Variants in ERCC6 observed in about 807,000 individuals in gnomAD.
The protein encoded by ERCC6 is ERCC excision repair 6, chromatin remodeling factor.
Under a neutral mutation model 158.7 loss-of-function variants are expected in ERCC6, and 116 were observed. The observed-to-expected ratio is 0.73, with a 90% CI of 0.63 to 0.85. The LOEUF (loss-of-function observed/expected upper bound fraction) is 0.85. Ranked by LOEUF, ERCC6 falls within the 40% of genes least tolerant of loss-of-function variation. ERCC6 has a pLI of 0.00. For synonymous variants in ERCC6, 678 were observed against 659.3 expected, an observed-to-expected ratio of 1.03 and a Z score of -0.43; for missense variants, 1,698 against 1,799.4, an observed-to-expected ratio of 0.94 and a Z score of 1.02.
chr10:49,485,717 G>C (rs1211125212), intron 8 of ERCC6, among the ~76,000 whole-genome samples: 8 of 152,198 alleles, frequency 5.3e-5, no homozygotes, highest in Non-Finnish European at 1.2e-4. Flanking sequence ...CTGAGTAACA[G>C]TTGCTACTTC....
At chr10:49,462,435 T>C (rs1350579713) in intron 18 of ERCC6, among the ~76,000 whole-genome samples, 1 of 152,114 alleles carries the variant, frequency 6.6e-6, no homozygotes, top group Non-Finnish European at 1.5e-5. Flanking sequence ...AATTATCATA[T>C]GATCTATATG....
rs756881696 is a variant in ERCC6 at position 49,532,869 on chromosome 10, C to T, written c.96G>A (p.Lys32=). 1.9e-6 allele frequency: 3 copies of T among 1,614,116 alleles called. No homozygotes were observed. Among genetic ancestry groups the T allele is most frequent in the Non-Finnish European group, 2.5e-6 (3 of 1,180,042 alleles). ...PVSNNEEMAI[K]QESGGDGEVE... ...CCTCCCCATCACCACCACTTTCTTG[C>T]TTGATTGCCATTTCTTCATTATTAC... The change falls in exon 2 of 21, where the codon AAG becomes AAA. Residue 32 remains lysine, a synonymous_variant. Coordinates refer to ENST00000355832, the MANE Select transcript of ERCC6 (RefSeq NM_000124.4).
intron 8 of ERCC6, 27 bp from the exon 9 acceptor site, chr10:49,483,543 C>G: frequency 6.2e-7 from 1 of 1,611,530 alleles, no homozygotes; most frequent in Non-Finnish European, 8.5e-7. Flanking sequence ...ATGGTAAAGT[C>G]AGTTTTAAAT....
chr10:49,493,311 G>C, intron 7 of ERCC6, 59 bp from the exon 8 acceptor site: 2 of 1,600,168 alleles, frequency 1.2e-6, no homozygotes, highest in East Asian at 4.5e-5. Context: ...GTCATCAACT[G>C]CTCAAAAGAT....
At chr10:49,491,008 C>T (rs1012113272) in intron 8 of ERCC6, among the ~76,000 whole-genome samples, 1 of 152,158 alleles carries the variant, frequency 6.6e-6, no homozygotes, top group Non-Finnish European at 1.5e-5. Context: ...ATTTAACACA[C>T]GTGTAAGCCA....
intron 16 of ERCC6, 83 bp from the exon 17 acceptor site, chr10:49,471,203 G>T: frequency 1.2e-5 from 17 of 1,367,760 alleles, no homozygotes; most frequent in Non-Finnish European, 1.8e-5. Flanking sequence ...ATAAGAGAGA[G>T]ATGATAACAG....
intron 4 of ERCC6, 176 bp from the exon 5 acceptor site, chr10:49,524,953 G>A: frequency 7.0e-7 from 1 of 1,434,098 alleles, no homozygotes; most frequent in Non-Finnish European, 9.2e-7. Context: ...ATAGCATCAT[G>A]CTATATTTAA....
the ERCC6 span, among the ~76,000 whole-genome samples, chr10:49,448,009 C>G: frequency 6.6e-6 from 1 of 152,104 alleles, no homozygotes; most frequent in Admixed American, 6.5e-5. Flanking sequence ...TATTCACATA[C>G]AAGTATTTGT....
chr10:49,458,575 A>G lies in ERCC6; in HGVS notation c.*240T>C. 3.9e-6 allele frequency: 2 copies of G among 512,892 alleles called. No homozygotes were observed. Among genetic ancestry groups the G allele is most frequent in the Admixed American group, 6.6e-5 (2 of 30,338 alleles). 31.8% of individuals were successfully genotyped at this position (512,892 alleles called of 1,614,324 possible). ...TAGGTACCTGATTTACAATATAATT[A>G]GATTGCCAAAAAAAAAAAAATCAAT... On this transcript the variant is annotated 3_prime_UTR_variant, in exon 21 of 21. Coordinates refer to ENST00000355832, the MANE Select transcript of ERCC6 (RefSeq NM_000124.4).
intron 5 of ERCC6, among the ~76,000 whole-genome samples, chr10:49,520,175 CAAA>C (rs1298160631): frequency 6.6e-6 from 1 of 152,208 alleles, no homozygotes; most frequent in East Asian, 1.9e-4. Context: ...CCCTAGCTCC[CAAA>C]CCTGACAGTG....
rs144548889 is a variant in ERCC6 at position 49,478,396 on chromosome 10, T to C, written c.2244A>G (p.Ser748=). The C allele has an allele frequency of 1.1e-5, 17 of 1,613,914 alleles. No homozygotes were observed. Among genetic ancestry groups the C allele is most frequent in the Middle Eastern group, 3.3e-4 (2 of 6,082 alleles). ...INPYLLRRMK[S]DVKMSLSLPD... is the part of the protein sequence containing the mutation. ...GCAAAGAAAGGCTCATCTTGACATC[T>C]GACTTCATTCTCCGCAGTAGGTATG... The change falls in exon 11 of 21, where the codon TCA becomes TCG. Residue 748 remains serine (S), a synonymous_variant. Transcript: ENST00000355832.
chr10:49,453,685 T>C (rs1366301653), downstream of ERCC6, among the ~76,000 whole-genome samples: 1 of 152,190 alleles, frequency 6.6e-6, no homozygotes, highest in African/African-American at 2.4e-5. Context: ...TTAACAACAA[T>C]TTTTCTGTTT....
At chr10:49,447,265 A>G in the ERCC6 span, among the ~76,000 whole-genome samples, 1 of 152,246 alleles carries the variant, frequency 6.6e-6, no homozygotes, top group Admixed American at 6.5e-5. Context: ...AATATTGAAC[A>G]CCTGAAGATA....
Position 49,459,012 on chromosome 10 carries a change from C to G in ERCC6, c.4285G>C (p.Val1429Leu). The G allele has an allele frequency of 6.2e-7, 1 of 1,614,180 alleles. No individual in the cohort carries two copies. Among genetic ancestry groups the G allele is most frequent in the Non-Finnish European group, 8.5e-7 (1 of 1,180,038 alleles). ...LPTTEHDDLL[V>L]EMRNFIAFQA... ...AAAGCGATGAAGTTTCTCATCTCCA[C>G]CAGAAGGTCATCGTGTTCTGTGGTG... The change falls in exon 21 of 21, where the codon GTG (valine) becomes CTG (leucine). Residue 1429 changes from valine (V) to leucine (L), a missense_variant. Transcript: ENST00000355832.
chr10:49,470,692 G>A lies in ERCC6; in HGVS notation c.3268C>T (p.Pro1090Ser). The A allele has an allele frequency of 6.2e-7, 1 of 1,613,984 alleles. No homozygotes were observed. ...VNAVTSNRSDPLKDDPHMSSN... is the reference protein window; with the variant it reads ...VNAVTSNRSDSLKDDPHMSSN... ...CTCATGTGAGGGTCATCTTTCAAAGGATCACTTCGATTAGAAGTTACTGCA... is the reference window on the plus strand; with the variant it reads ...CTCATGTGAGGGTCATCTTTCAAAGAATCACTTCGATTAGAAGTTACTGCA... The change falls in exon 18 of 21, where the codon CCT becomes TCT. Residue 1090 changes from proline (P) to serine (S), a missense_variant. Coordinates refer to ENST00000355832, the MANE Select transcript of ERCC6 (RefSeq NM_000124.4).
chr10:49,451,220 T>A (rs1003132016), downstream of ERCC6, among the ~76,000 whole-genome samples: 4 of 144,338 alleles, frequency 2.8e-5, no homozygotes, highest in African/African-American at 1.0e-4. Flanking sequence ...ATCTTCTACA[T>A]ACAAGATCAT....
chr10:49,490,988 C>T (rs1310199709), intron 8 of ERCC6, among the ~76,000 whole-genome samples: 12 of 152,188 alleles, frequency 7.9e-5, no homozygotes, highest in Admixed American at 7.9e-4. Flanking sequence ...GAAACATAGA[C>T]TCTATTGTAA....
chr10:49,531,148 C>A (rs1338860128), intron 2 of ERCC6, among the ~76,000 whole-genome samples: 1 of 152,174 alleles, frequency 6.6e-6, no homozygotes, highest in Non-Finnish European at 1.5e-5. Flanking sequence ...TATGCTAGAA[C>A]AATGTGCAAT....
intron 8 of ERCC6, among the ~76,000 whole-genome samples, chr10:49,484,721 C>T (rs753819546): frequency 2.0e-5 from 3 of 152,148 alleles, no homozygotes; most frequent in Non-Finnish European, 2.9e-5. Flanking sequence ...GGCTAGACAA[C>T]GGCGCAAGAT....
Sources: gnomAD v4.1 joint callset for allele counts (sites outside exome capture counted in the v4.1 genomes callset) on GRCh38, gnomAD v4.1.1 for gene constraint, MANE v1.5 for transcripts, NCBI Gene and HGNC (gene_info 2026-07-23, HGNC 2026-07-21) for gene names.